Variants in PCSK2 observed in about 807,000 individuals in gnomAD.
The protein encoded by PCSK2 is neuroendocrine convertase 2.
In PCSK2, 14 loss-of-function variants were observed where a neutral mutation model predicts 69.7. The observed-to-expected ratio is 0.20, with a 90% CI of 0.13 to 0.31. The LOEUF is 0.31. PCSK2 is among the 10% of genes least tolerant of loss of function. The probability of loss-of-function intolerance (pLI) is 1.00; values close to 1 mark genes in which losing one functional copy is unlikely to be tolerated. For synonymous variants in PCSK2, 307 were observed against 320.7 expected (o/e 0.96, Z 0.46); for missense variants, 544 against 842.5 (o/e 0.65, Z 4.39).
At chr20:17,423,443 A>G (rs2032176498) in intron 6 of PCSK2, among the ~76,000 whole-genome samples, 1 of 152,180 alleles carries the variant, frequency 6.6e-6, no homozygotes, top group Admixed American at 6.5e-5. Context: ...CTTAGAGGCA[A>G]TAGATGACAG....
At chr20:17,258,940 T>C (rs1987277841) in intron 1 of PCSK2, among the ~76,000 whole-genome samples, 1 of 151,938 alleles carries the variant, frequency 6.6e-6, no homozygotes, top group African/African-American at 2.4e-5. Flanking sequence ...ACATGAAGAA[T>C]TTTTACTTTG....
intron 5 of PCSK2, among the ~76,000 whole-genome samples, chr20:17,396,496 T>C (rs1258372910): frequency 1.3e-5 from 2 of 152,294 alleles, no homozygotes; most frequent in African/African-American, 4.8e-5. Context: ...TTCTATTTCC[T>C]TCAACTTCAA....
chr20:17,237,772 G>T (rs1312475750), intron 1 of PCSK2, among the ~76,000 whole-genome samples: 2 of 152,248 alleles, frequency 1.3e-5, no homozygotes, highest in African/African-American at 4.8e-5. Context: ...GGAAAGGAAG[G>T]CAGGAATAAA....
intron 1 of PCSK2, among the ~76,000 whole-genome samples, chr20:17,239,809 T>TAG (rs1217755363): frequency 1.4e-5 from 2 of 147,304 alleles, no homozygotes; most frequent in Non-Finnish European, 3.0e-5. Context: ...TTCCAATAGA[T>TAG]AGATGAAAAA....
intron 10 of PCSK2, chr20:17,465,123 C>G (rs1325648976): frequency 1.7e-6 from 1 of 592,144 alleles, no homozygotes; most frequent in Non-Finnish European, 3.0e-6. Flanking sequence ...GTAAGAAAAG[C>G]AAGAAGATTT....
At chr20:17,253,148 TACAA>T (rs1987053822) in intron 1 of PCSK2, among the ~76,000 whole-genome samples, 1 of 152,194 alleles carries the variant, frequency 6.6e-6, no homozygotes, top group East Asian at 1.9e-4. Context: ...CTCTCATCTA[TACAA>T]ACAGTGATAA....
intron 1 of PCSK2, among the ~76,000 whole-genome samples, chr20:17,246,474 T>C (rs944737829): frequency 2.0e-5 from 3 of 152,212 alleles, no homozygotes; most frequent in Non-Finnish European, 4.4e-5. Context: ...CAGTCTTCGA[T>C]AGTAAGTCAC....
chr20:17,252,547 C>T lies in PCSK2; in HGVS notation c.178-7693C>T, dbSNP rs149594488. 2.6e-3 allele frequency among the ~76,000 whole-genome samples: 398 copies of T among 152,302 alleles called. 1 individual carries two copies. Among genetic ancestry groups the T allele is most frequent in the African/African-American group, 8.6e-3 (358 of 41,568 alleles). The stretch of plus-strand genomic sequence containing the variant: ...CAAAAACATTTTATAAGTAAAAAAT[C>T]TGAGGCCCACAAGGGTTAACTAACT... On this transcript the variant is annotated intron_variant, in intron 1 of 11. Transcript: ENST00000262545.
At chr20:17,467,044 T>G (rs1163414892) in intron 11 of PCSK2, among the ~76,000 whole-genome samples, 2 of 152,190 alleles carry the variant, frequency 1.3e-5, no homozygotes, top group African/African-American at 4.8e-5. Flanking sequence ...CCTGCCAGGG[T>G]CATATTTCCG....
At chr20:17,317,772 G>C (rs942451490) in intron 2 of PCSK2, among the ~76,000 whole-genome samples, 3 of 152,104 alleles carry the variant, frequency 2.0e-5, no homozygotes, top group African/African-American at 7.2e-5. Flanking sequence ...AGAGACATGG[G>C]AAGAGTTTCT....
chr20:17,401,212 T>C (rs1432454222), intron 5 of PCSK2, among the ~76,000 whole-genome samples: 1 of 152,264 alleles, frequency 6.6e-6, no homozygotes. Flanking sequence ...TCAAGTTTTT[T>C]AGTCTGTTTG....
chr20:17,353,205 G>A (rs910531464), intron 2 of PCSK2, among the ~76,000 whole-genome samples: 4 of 152,038 alleles, frequency 2.6e-5, no homozygotes, highest in Non-Finnish European at 5.9e-5. Flanking sequence ...GCTCATGCCT[G>A]TAATCCCAGC....
At chr20:17,436,968 T>C (rs2032496686) in intron 8 of PCSK2, 85 bp downstream of exon 8, 3 of 1,158,806 alleles carry the variant, frequency 2.6e-6, no homozygotes, top group Admixed American at 5.3e-5. Context: ...GGTGAACCAC[T>C]GTCACCCTGT....
At chr20:17,418,812 C>T (rs1334664181) in intron 6 of PCSK2, among the ~76,000 whole-genome samples, 2 of 152,148 alleles carry the variant, frequency 1.3e-5, no homozygotes, top group South Asian at 2.1e-4. Flanking sequence ...AGAGTTGGGG[C>T]TCTTGAGAAA....
Position 17,453,884 on chromosome 20 carries a change from A to C in PCSK2, c.1028A>C (p.Tyr343Ser). 6.2e-7 allele frequency: 1 copy of C among 1,614,260 alleles called. No individual in the cohort carries two copies. Among genetic ancestry groups the C allele is most frequent in the Non-Finnish European group, 8.5e-7 (1 of 1,180,052 alleles). ...SAINDGRTALYDESCSSTLAS... is the reference protein window; with the variant it reads ...SAINDGRTALSDESCSSTLAS... ...ATCAACGACGGCAGGACTGCCCTGT[A>C]CGACGAGAGCTGCTCTTCCACCTTG... is the stretch of plus-strand genomic sequence containing the variant. The change falls in exon 9 of 12, where the codon TAC (tyrosine) becomes TCC (serine). Residue 343 changes from tyrosine (Y) to serine (S), a missense_variant. Around this residue, in one of 3 missense-constraint regions of PCSK2, gnomAD observed 187 missense variants for 399.8 expected, o/e 0.47. Coordinates refer to ENST00000262545, the MANE Select transcript of PCSK2 (RefSeq NM_002594.5). This position sits in a 1 kb window ranked among gnomAD's most constrained non-coding sequence, Gnocchi z 4.0.
intron 2 of PCSK2, among the ~76,000 whole-genome samples, chr20:17,319,561 T>G (rs1989800708): frequency 1.3e-5 from 2 of 152,126 alleles, no homozygotes; most frequent in Non-Finnish European, 2.9e-5. Flanking sequence ...CAAGCCCCAG[T>G]GCAGAAACAT....
Position 17,433,785 on chromosome 20 carries a change from T to TTCTCTCTCTC in PCSK2, c.710-2904_710-2895dup, listed in dbSNP as rs369676259. On this transcript the variant is annotated intron_variant, in intron 7 of 11. Transcript: ENST00000262545. ...GACACAGACTCCTAGCTCCTTTGAT[T>TTCTCTCTCTC]TCTCTCTCTCTCTCTCTCTCTCTCT... is the stretch of plus-strand genomic sequence containing the variant. 8.3e-4 allele frequency among the ~76,000 whole-genome samples: 34 copies of TTCTCTCTCTC among 40,838 alleles called. 4 individuals are homozygous for TTCTCTCTCTC. The highest frequency in any genetic ancestry group is 2.0e-3 in the African/African-American group (24 of 11,712). The allele number at this position is 40,838 out of a possible 152,430, so 26.8% of individuals were successfully genotyped here.
intron 2 of PCSK2, among the ~76,000 whole-genome samples, chr20:17,353,525 C>T (rs937791462): frequency 6.7e-6 from 1 of 149,480 alleles, no homozygotes; most frequent in Non-Finnish European, 1.5e-5. Context: ...GAAAAGAGAA[C>T]ACTTATACGC....
At chr20:17,414,785 A>G (rs1953744339) in intron 6 of PCSK2, among the ~76,000 whole-genome samples, 1 of 152,256 alleles carries the variant, frequency 6.6e-6, no homozygotes, top group Non-Finnish European at 1.5e-5. Context: ...AAAAATCCTC[A>G]ATAAAATACT....
Sources: gnomAD v4.1 joint callset for allele counts (sites outside exome capture counted in the v4.1 genomes callset) on GRCh38, gnomAD v4.1.1 for gene constraint, gnomAD v4.1.1 regional missense constraint, Gnocchi (gnomAD v3.1) non-coding constraint, MANE v1.5 for transcripts, NCBI Gene and HGNC (gene_info 2026-07-23, HGNC 2026-07-21) for gene names.